Variants in PCDHGB1 observed in about 807,000 individuals in gnomAD.
PCDHGB1 encodes protocadherin gamma subfamily B, 1.
A neutral mutation model predicts 56.6 loss-of-function variants in PCDHGB1; 34 were observed. The observed-to-expected ratio is 0.60, with a 90% CI of 0.46 to 0.80. PCDHGB1 has a LOEUF of 0.80. Ranked by LOEUF, PCDHGB1 falls within the 30% of genes least tolerant of loss-of-function variation. The probability of loss-of-function intolerance (pLI) is 0.00; values close to 1 mark genes in which losing one functional copy is unlikely to be tolerated. For synonymous variants in PCDHGB1, 561 were observed against 505.9 expected (o/e 1.11, Z -1.46); for missense variants, 1,278 against 1,204.6 (o/e 1.06, Z -0.90).
intron 1 of PCDHGB1, chr5:141,403,053 C>A: frequency 6.2e-7 from 1 of 1,614,076 alleles, no homozygotes; most frequent in Non-Finnish European, 8.5e-7. Context: ...ATTCGCTACT[C>A]AGTGCCTGAA....
At chr5:141,508,879 G>A (rs2547559) in intron 3 of PCDHGB1, among the ~76,000 whole-genome samples, 2 of 152,070 alleles carry the variant, frequency 1.3e-5, no homozygotes, top group East Asian at 3.9e-4. Context: ...AGAGGCTGAC[G>A]GCTGGAGGGG....
intron 1 of PCDHGB1, chr5:141,370,409 C>CG (rs775733785): frequency 1.3e-6 from 2 of 1,561,734 alleles, no homozygotes; most frequent in Non-Finnish European, 1.7e-6. Context: ...GAAATAGCTC[C>CG]GGATGGAGGG....
chr5:141,370,168 C>G (rs890245618), intron 1 of PCDHGB1: 7 of 458,078 alleles, frequency 1.5e-5, no homozygotes, highest in Non-Finnish European at 2.7e-5. Context: ...GCAGCAGAGG[C>G]GCCGGGTGCC....
rs758463890 is a variant in PCDHGB1 at position 141,394,966 on chromosome 5, G to A, written c.2409+42297G>A. On this transcript the variant is annotated intron_variant, in intron 1 of 3. Coordinates refer to ENST00000523390, the MANE Select transcript of PCDHGB1 (RefSeq NM_018922.3). ...GTGCTTCTGGGGCTCAGGCTGAGGCGCTGGCACAAGTCACGCCTGCTCCAG... is the reference window on the plus strand; with the variant it reads ...GTGCTTCTGGGGCTCAGGCTGAGGCACTGGCACAAGTCACGCCTGCTCCAG... 11 of 1,613,768 alleles carry A rather than the reference G, an allele frequency of 6.8e-6. No homozygotes were observed. In the African/African-American group the frequency reaches 9.3e-5, roughly 14 times the overall value.
At position 141,491,765 on chromosome 5, in the gene PCDHGB1, A is replaced by C; in HGVS notation, c.2410-3042A>C. 1 of 1,569,230 alleles carries C rather than the reference A, an allele frequency of 6.4e-7. No homozygotes were observed. On this transcript the variant is annotated intron_variant, in intron 1 of 3. Coordinates refer to ENST00000523390, the MANE Select transcript of PCDHGB1 (RefSeq NM_018922.3). This position sits in a 1 kb window ranked among gnomAD's most constrained non-coding sequence, Gnocchi z 6.9. The stretch of plus-strand genomic sequence containing the variant: ...GGCACTGGAGAAGCCGCCCGTCCTC[A>C]TAAGGGATTGAACTTGCATCCACTC...
At chr5:141,400,227 C>T in intron 1 of PCDHGB1, 1 of 1,614,052 alleles carries the variant, frequency 6.2e-7, no homozygotes, top group Middle Eastern at 1.6e-4. Flanking sequence ...TGCTCTTCCT[C>T]CTGGCCGTGA....
intron 1 of PCDHGB1, chr5:141,389,008 G>C (rs1264850198): frequency 6.2e-7 from 1 of 1,613,992 alleles, no homozygotes; most frequent in Admixed American, 1.7e-5. Context: ...AAGGATTCCA[G>C]ACACAATGGA....
Position 141,371,610 on chromosome 5 carries a change from A to G in PCDHGB1, c.2409+18941A>G, listed in dbSNP as rs1767883802. 2.5e-6 allele frequency: 4 copies of G among 1,613,888 alleles called. No homozygotes were observed. In the East Asian group the frequency reaches 8.9e-5, roughly 36 times the overall value. On this transcript the variant is annotated intron_variant, in intron 1 of 3. Coordinates refer to ENST00000523390, the MANE Select transcript of PCDHGB1 (RefSeq NM_018922.3). ...TACCAAAAACACATACAGGTTGGTG[A>G]CAGATGGAGCCCTGGACCGGGAGCA...
chr5:141,351,783 G>A lies in PCDHGB1; in HGVS notation c.1523G>A (p.Gly508Glu). 2 of 1,613,452 alleles carry A rather than the reference G, an allele frequency of 1.2e-6. No individual in the cohort carries two copies. Among genetic ancestry groups the A allele is most frequent in the Non-Finnish European group, 8.5e-7 (1 of 1,179,902 alleles). Residue 508 changes from glycine (G) to glutamate (E), a missense_variant, in exon 1 of 4, where the codon GGG becomes GAG. Gly to Glu is a moderately conservative substitution (Grantham distance 98). Transcript: ENST00000523390. ...LSYVSVSPQS[G>E]VVFAQRAFDH... ...TACGTGTCCGTGAGCCCGCAGAGCG[G>A]GGTGGTGTTCGCGCAGCGCGCCTTC...
intron 1 of PCDHGB1, chr5:141,387,676 G>C: frequency 2.7e-6 from 2 of 732,232 alleles, no homozygotes; most frequent in Non-Finnish European, 4.3e-6. Context: ...AGATCTCCTC[G>C]CGCAGCCGCA....
At chr5:141,359,921 GAA>G in intron 1 of PCDHGB1, 2 of 444,504 alleles carry the variant, frequency 4.5e-6, no homozygotes, top group East Asian at 3.4e-5. Flanking sequence ...AGTTTCCTGA[GAA>G]AACCTCTGAG....
chr5:141,485,577 G>A lies in PCDHGB1; in HGVS notation c.2410-9230G>A. Reference sequence around the variant, plus strand: ...AATGATCACGCCCCCCGTTTTCCGCGGCAGCAGCTGGACTTGGAAATTGGG... The same window carrying A: ...AATGATCACGCCCCCCGTTTTCCGCAGCAGCAGCTGGACTTGGAAATTGGG... On this transcript the variant is annotated intron_variant, in intron 1 of 3. Transcript: ENST00000523390. This position sits in a 1 kb window ranked among gnomAD's most constrained non-coding sequence, Gnocchi z 5.7. 2 of 1,612,500 alleles carry A rather than the reference G, an allele frequency of 1.2e-6. No individual in the cohort carries two copies. Among genetic ancestry groups the A allele is most frequent in the Non-Finnish European group, 8.5e-7 (1 of 1,178,676 alleles).
chr5:141,489,428 G>A lies in PCDHGB1; in HGVS notation c.2410-5379G>A, dbSNP rs561792279. The A allele has an allele frequency of 2.5e-5, 40 of 1,614,112 alleles. No homozygotes were observed. In the Middle Eastern group the frequency reaches 4.9e-4, roughly 20 times the overall value. ...AAGATGACAGATCTGTTGAGCCGGC[G>A]GCTGCAATTGGGCTCTGAGGAGAAT... On this transcript the variant is annotated intron_variant, in intron 1 of 3. Transcript: ENST00000523390. This position sits in a 1 kb window ranked among gnomAD's most constrained non-coding sequence, Gnocchi z 4.5.
intron 1 of PCDHGB1, chr5:141,385,344 A>G (rs1444885751): frequency 6.4e-7 from 1 of 1,567,338 alleles, no homozygotes. Context: ...CCCTTCCTTT[A>G]TTTCCATGAG....
chr5:141,499,836 A>G (rs2099794751), intron 2 of PCDHGB1, among the ~76,000 whole-genome samples: 1 of 151,894 alleles, frequency 6.6e-6, no homozygotes, highest in African/African-American at 2.4e-5. Flanking sequence ...ACAGGTGTGC[A>G]CCACCACACA....
In PCDHGB1 at chr5:141,382,630, A is replaced by G. The variant is rs142649877; in HGVS notation, c.2409+29961A>G. ...TGAAATCAGTGTATTGTGTGCATCA[A>G]TGTGGTGCAGTAACTTAGTAAGGAC... On this transcript the variant is annotated intron_variant, in intron 1 of 3. Coordinates refer to ENST00000523390, the MANE Select transcript of PCDHGB1 (RefSeq NM_018922.3). The G allele has an allele frequency of 1.3e-4, 49 of 364,976 alleles. 1 individual carries two copies. Among genetic ancestry groups the G allele is most frequent in the Middle Eastern group, 7.2e-4 (1 of 1,388 alleles). 22.6% of individuals were successfully genotyped at this position (364,976 alleles called of 1,614,324 possible). A position where few individuals can be genotyped will look rare whatever the true frequency, so the allele number is the denominator to read the frequency against.
In PCDHGB1 at chr5:141,408,733, T is replaced by C. The variant is rs753545231; in HGVS notation, c.2409+56064T>C. The C allele has an allele frequency of 7.5e-6, 12 of 1,610,158 alleles. No individual in the cohort carries two copies. The South Asian group carries it at 1.3e-4, about 18-fold the overall frequency. Reference sequence around the variant, plus strand: ...ATTATAAGATAAACTCTAATCCTTATTTTTCATTAATGGTTAGAGTTAATT... The same window carrying C: ...ATTATAAGATAAACTCTAATCCTTACTTTTCATTAATGGTTAGAGTTAATT... On this transcript the variant is annotated intron_variant, in intron 1 of 3. Transcript: ENST00000523390.
At chr5:141,503,607 A>G (rs141670522) in intron 2 of PCDHGB1, among the ~76,000 whole-genome samples, 63 of 151,996 alleles carry the variant, frequency 4.1e-4, no homozygotes, top group African/African-American at 1.4e-3. Flanking sequence ...TCAAAAAAAA[A>G]AAAAAAAGAA....
chr5:141,458,553 T>G (rs987591790), intron 1 of PCDHGB1, among the ~76,000 whole-genome samples: 24 of 146,852 alleles, frequency 1.6e-4, no homozygotes, highest in Non-Finnish European at 2.5e-4. Flanking sequence ...TGTTTGTTTG[T>G]TTTGGTTTTG....
Sources: allele counts gnomAD v4.1 joint callset (sites outside exome capture counted in the v4.1 genomes callset), GRCh38; gene constraint gnomAD v4.1.1; non-coding constraint Gnocchi (gnomAD v3.1); transcripts MANE v1.5; gene names NCBI Gene and HGNC (gene_info 2026-07-23, HGNC 2026-07-21).